The following MRAP variants were observed in gnomAD, a reference collection of about 807,000 sequenced individuals.
MRAP encodes melanocortin 2 receptor accessory protein, also known as melanocortin-2 receptor accessory protein.
In MRAP, 8 loss-of-function variants were observed where a neutral mutation model predicts 8.7. The observed-to-expected ratio is 0.92, with a 90% CI of 0.54 to 1.66. The LOEUF (loss-of-function observed/expected upper bound fraction) is 1.66, where lower values mean the gene tolerates loss of function less well. Ranked by LOEUF, MRAP falls within the 40% of genes most tolerant of loss-of-function variation. MRAP has a pLI of 0.00. For synonymous variants in MRAP, 95 were observed against 95.5 expected, an observed-to-expected ratio of 1.00 and a Z score of 0.03; for missense variants, 237 against 217.1, an observed-to-expected ratio of 1.09 and a Z score of -0.58.
chr21:32,296,784 A>T (rs578139674), upstream of MRAP, among the ~76,000 whole-genome samples: 27 of 152,340 alleles, frequency 1.8e-4, 2 homozygotes, highest in South Asian at 1.4e-3. Context: ...TTTTTTAAAA[A>T]TAGTACATCT....
chr21:32,303,621 G>A (rs2032337292), intron 1 of MRAP, among the ~76,000 whole-genome samples: 1 of 152,202 alleles, frequency 6.6e-6, no homozygotes, highest in Non-Finnish European at 1.5e-5. Flanking sequence ...GAGAAGGGAG[G>A]ATAGGAGAGA....
upstream of MRAP, chr21:32,298,791 C>A (rs922388745): frequency 1.0e-4 from 59 of 591,186 alleles, no homozygotes; most frequent in African/African-American, 6.8e-4. Flanking sequence ...TGAGACACAC[C>A]CCCCTGACCT....
At chr21:32,314,123 A>C (rs1189672340), downstream of MRAP, 1 of 165,910 alleles carries the variant, frequency 6.0e-6, no homozygotes, top group African/African-American at 2.4e-5. Flanking sequence ...CACTGGCAGA[A>C]ATTAACTTAT....
chr21:32,295,261 C>A (rs1041611238), upstream of MRAP, among the ~76,000 whole-genome samples: 2 of 152,154 alleles, frequency 1.3e-5, no homozygotes, highest in Non-Finnish European at 2.9e-5. Flanking sequence ...GGGGGCCAAG[C>A]GGGCAACTGG....
upstream of MRAP, among the ~76,000 whole-genome samples, chr21:32,296,492 C>T (rs529551595): frequency 5.9e-5 from 9 of 152,232 alleles, no homozygotes; most frequent in South Asian, 1.0e-3. Flanking sequence ...CACTTCACAA[C>T]GGGGTTACAT....
chr21:32,312,726 C>G (rs2032610660), downstream of MRAP: 1 of 153,734 alleles, frequency 6.5e-6, no homozygotes, highest in Non-Finnish European at 1.4e-5. Context: ...TAGTGCCCAG[C>G]AGCCTTGTCC....
At chr21:32,300,562 A>C (rs369851915) in intron 1 of MRAP, among the ~76,000 whole-genome samples, 38 of 141,336 alleles carry the variant, frequency 2.7e-4, no homozygotes, top group African/African-American at 1.0e-3. Context: ...CCTATGTCAG[A>C]TGTTTCACAC....
intron 1 of MRAP, among the ~76,000 whole-genome samples, chr21:32,300,989 CAT>C (rs1370004596): frequency 6.4e-5 from 9 of 140,242 alleles, no homozygotes; most frequent in African/African-American, 2.6e-4. Context: ...TTTCATATAT[CAT>C]GATATATGAT....
chr21:32,300,778 CCTAT>C (rs2032266941), intron 1 of MRAP, among the ~76,000 whole-genome samples: 1 of 141,498 alleles, frequency 7.1e-6, no homozygotes. Context: ...CGTCATGCCT[CCTAT>C]GTCGGATGTG....
chr21:32,299,519 T>A (rs566053350), intron 1 of MRAP, among the ~76,000 whole-genome samples: 1 of 152,184 alleles, frequency 6.6e-6, no homozygotes, highest in South Asian at 2.1e-4. Context: ...TATTTTTTTA[T>A]AGAGACATGT....
At chr21:32,309,984 A>T (rs2032518576) in intron 2 of MRAP, among the ~76,000 whole-genome samples, 1 of 152,016 alleles carries the variant, frequency 6.6e-6, no homozygotes, top group Non-Finnish European at 1.5e-5. Context: ...ATTTAAGCAC[A>T]TTTTTATACC....
chr21:32,298,341 AGTGGAGAGGT>A (rs1164098840), upstream of MRAP, among the ~76,000 whole-genome samples: 1 of 151,994 alleles, frequency 6.6e-6, no homozygotes, highest in African/African-American at 2.4e-5. Context: ...CTTAGATATA[AGTGGAGAGGT>A]GCACTCTGTT....
At chr21:32,298,488 G>A (rs1225010851), upstream of MRAP, among the ~76,000 whole-genome samples, 1 of 152,150 alleles carries the variant, frequency 6.6e-6, no homozygotes, top group East Asian at 1.9e-4. Context: ...CAGTTTGGTG[G>A]TTGCTCAATA....
chr21:32,309,007 C>T (rs894937724), intron 2 of MRAP, among the ~76,000 whole-genome samples: 4 of 152,248 alleles, frequency 2.6e-5, no homozygotes, highest in East Asian at 3.9e-4. Context: ...CGTGGACTCG[C>T]GCATTGGCAC....
At chr21:32,305,809 C>A (rs1444784430) in intron 1 of MRAP, among the ~76,000 whole-genome samples, 1 of 151,950 alleles carries the variant, frequency 6.6e-6, no homozygotes, top group Admixed American at 6.6e-5. Flanking sequence ...AGACAACCAC[C>A]AAGAAAAACT....
At chr21:32,306,583 C>T in intron 1 of MRAP, 57 bp from the exon 2 acceptor site, 1 of 1,446,246 alleles carries the variant, frequency 6.9e-7, no homozygotes, top group Non-Finnish European at 9.7e-7. Flanking sequence ...TACTGCCCCT[C>T]AGCGTTGCTT....
chr21:32,294,783 G>A (rs768295164), upstream of MRAP, among the ~76,000 whole-genome samples: 24 of 151,824 alleles, frequency 1.6e-4, no homozygotes, highest in Non-Finnish European at 3.1e-4. Context: ...ATCAATTTGG[G>A]GCCATTTAAC....
At chr21:32,295,913 T>C (rs1852833076), upstream of MRAP, among the ~76,000 whole-genome samples, 1 of 152,004 alleles carries the variant, frequency 6.6e-6, no homozygotes, top group Admixed American at 6.6e-5. Flanking sequence ...GAGGCAGAGG[T>C]TGGAGTAAGC....
chr21:32,313,742 C>G (rs1392093865), downstream of MRAP: 1 of 152,250 alleles, frequency 6.6e-6, no homozygotes, highest in Non-Finnish European at 1.5e-5. Flanking sequence ...GGCCACAGAG[C>G]AGATCCCAAG....
Sources: gnomAD v4.1 joint callset for allele counts (sites outside exome capture counted in the v4.1 genomes callset) on GRCh38, gnomAD v4.1.1 for gene constraint, MANE v1.5 for transcripts, NCBI Gene and HGNC (gene_info 2026-07-23, HGNC 2026-07-21) for gene names.